The following RAB33A variants were observed in gnomAD, a reference collection of about 807,000 sequenced individuals.
RAB33A encodes RAB33A, member RAS oncogene family, also known as ras-related protein Rab-33A.
RAB33A carries 6 observed loss-of-function variants against 12.0 expected under a neutral mutation model. That is an observed-to-expected ratio of 0.50 (90% CI 0.27 to 0.99). RAB33A has a LOEUF of 0.99. Ranked by LOEUF, RAB33A falls within the 50% of genes least tolerant of loss-of-function variation. The pLI is 0.11. For synonymous variants in RAB33A, 70 were observed against 82.4 expected (o/e 0.85, Z 0.81); for missense variants, 109 against 192.0 (o/e 0.57, Z 2.55).
At position 130,174,801 on chromosome X, in the gene RAB33A, C is replaced by T. The variant is rs760877775; in HGVS notation, c.258+2481C>T. ...GTCCCGGGGTAGCACATACATGAAC[C>T]CCTGCTAGGGACAACTGATTTGGTG... On this transcript the variant is annotated intron_variant, in intron 1 of 1. Transcript: ENST00000257017. Among the ~76,000 whole-genome samples, 20 of 110,813 alleles carry T rather than the reference C, an allele frequency of 1.8e-4. No individual in the cohort carries two copies. The South Asian group carries it at 7.7e-3, about 43-fold the overall frequency.
chrX:130,147,415 A>G, the RAB33A span: 3 of 1,169,746 alleles, frequency 2.6e-6, no homozygotes, highest in African/African-American at 5.3e-5. Flanking sequence ...ATTACTGTAC[A>G]CAGTCAGTGG....
the RAB33A span, among the ~76,000 whole-genome samples, chrX:130,130,522 A>G: frequency 8.9e-6 from 1 of 112,656 alleles, no homozygotes; most frequent in Non-Finnish European, 1.9e-5. Flanking sequence ...CTAGAGCTGC[A>G]TGGTCCAAAT....
the RAB33A span, among the ~76,000 whole-genome samples, chrX:130,164,458 G>A: frequency 8.9e-6 from 1 of 112,469 alleles, no homozygotes; most frequent in Non-Finnish European, 1.9e-5. Flanking sequence ...TATTTTTAAA[G>A]CACCCAGGTG....
the RAB33A span, among the ~76,000 whole-genome samples, chrX:130,150,799 A>AC: frequency 6.0e-5 from 6 of 100,765 alleles, no homozygotes; most frequent in Admixed American, 5.3e-4. Flanking sequence ...ACATGGTGAA[A>AC]CCCCATCTCT....
chrX:130,165,057 C>G, the RAB33A span, among the ~76,000 whole-genome samples: 1 of 109,882 alleles, frequency 9.1e-6, no homozygotes, highest in South Asian at 4.0e-4. Flanking sequence ...CCAACCGACT[C>G]CTTACTTGCC....
the RAB33A span, among the ~76,000 whole-genome samples, chrX:130,141,903 T>C: frequency 8.9e-6 from 1 of 112,119 alleles, no homozygotes; most frequent in Non-Finnish European, 1.9e-5. Flanking sequence ...GACTAGCTGC[T>C]CCATTCTAAC....
the RAB33A span, chrX:130,139,680 G>T: frequency 1.5e-6 from 1 of 659,151 alleles, no homozygotes; most frequent in Non-Finnish European, 2.5e-6. Context: ...CAAGTCTGGA[G>T]AAGAGCCATA....
the RAB33A span, chrX:130,129,661 C>T: frequency 2.9e-5 from 34 of 1,162,778 alleles, no homozygotes; most frequent in Non-Finnish European, 4.0e-5. Context: ...AGGTCCCTAA[C>T]TTACTCCATT....
At chrX:130,120,929 CAGG>C in the RAB33A span, among the ~76,000 whole-genome samples, 1 of 113,225 alleles carries the variant, frequency 8.8e-6, no homozygotes, top group African/African-American at 3.2e-5. Flanking sequence ...GGAGGAGCAG[CAGG>C]AGGAGGAGAT....
the RAB33A span, chrX:130,165,595 C>T: frequency 8.3e-7 from 1 of 1,202,870 alleles, no homozygotes; most frequent in South Asian, 1.8e-5. Context: ...GCACACGGTC[C>T]GCACCAAGGG....
the RAB33A span, among the ~76,000 whole-genome samples, chrX:130,129,129 TGAGAG>T: frequency 9.0e-6 from 1 of 111,206 alleles, no homozygotes; most frequent in Non-Finnish European, 1.9e-5. Flanking sequence ...GTGAACTTCC[TGAGAG>T]GAGAGGAGGG....
chrX:130,171,955 C>T, upstream of RAB33A: 2 of 917,821 alleles, frequency 2.2e-6, no homozygotes, highest in East Asian at 6.8e-5. Flanking sequence ...CACACACGCG[C>T]GCACACACAC....
the RAB33A span, among the ~76,000 whole-genome samples, chrX:130,117,429 C>G: frequency 1.3e-4 from 15 of 111,645 alleles, no homozygotes; most frequent in Non-Finnish European, 1.9e-4. Context: ...CTGGGAGGCA[C>G]TACCCCCCAA....
chrX:130,163,951 C>T, the RAB33A span, among the ~76,000 whole-genome samples: 9 of 102,369 alleles, frequency 8.8e-5, 1 homozygote, highest in Admixed American at 7.6e-4. Context: ...GTCAGGAGAT[C>T]GAGACCATCC....
At chrX:130,168,805 G>T (rs188597810), upstream of RAB33A, among the ~76,000 whole-genome samples, 1 of 110,878 alleles carries the variant, frequency 9.0e-6, no homozygotes, top group Admixed American at 9.6e-5. Context: ...GAGCTCCTTT[G>T]GATAAATATT....
the RAB33A span, among the ~76,000 whole-genome samples, chrX:130,124,753 C>T: frequency 1.8e-5 from 2 of 112,236 alleles, no homozygotes; most frequent in Non-Finnish European, 3.8e-5. Context: ...AGGAAGAGGG[C>T]GCTAGAAAAG....
chrX:130,132,768 ACGGAGTCTCGCTCTGTCACCCAGGC>A, the RAB33A span, among the ~76,000 whole-genome samples: 1 of 87,766 alleles, frequency 1.1e-5, no homozygotes, highest in Non-Finnish European at 2.1e-5. Context: ...TTTTTTTGAG[ACGGAGTCTCGCTCTGTCACCCAGGC>A]CGGAGTGCAG....
chrX:130,165,468 G>T, the RAB33A span: 1 of 813,081 alleles, frequency 1.2e-6, no homozygotes, highest in Non-Finnish European at 1.8e-6. Flanking sequence ...TCGCGGGGAC[G>T]CGGGGGTAGA....
chrX:130,120,222 T>G, the RAB33A span, among the ~76,000 whole-genome samples: 14 of 109,856 alleles, frequency 1.3e-4, no homozygotes, highest in Admixed American at 8.6e-4. Flanking sequence ...TTGTTTTGTT[T>G]TTTTGTTTTT....
Sources: allele counts gnomAD v4.1 joint callset (sites outside exome capture counted in the v4.1 genomes callset), GRCh38; gene constraint gnomAD v4.1.1; transcripts MANE v1.5; gene names NCBI Gene and HGNC (gene_info 2026-07-23, HGNC 2026-07-21).